Variants in LUC7L3 observed in about 807,000 individuals in gnomAD.
LUC7L3 encodes luc7-like protein 3.
In LUC7L3, 6 loss-of-function variants were observed where a neutral mutation model predicts 66.8. The observed-to-expected ratio is 0.09, with a 90% CI of 0.05 to 0.18. The LOEUF (loss-of-function observed/expected upper bound fraction) is 0.18, where lower values mean the gene tolerates loss of function less well. Among genes scored for constraint, LUC7L3 ranks in the 10% least tolerant of loss-of-function variants. The pLI is 1.00. For synonymous variants in LUC7L3, 160 were observed against 174.7 expected (o/e 0.92, Z 0.66); for missense variants, 341 against 531.1 (o/e 0.64, Z 3.52).
At chr17:50,726,218 C>A (rs1969173796) in intron 1 of LUC7L3, among the ~76,000 whole-genome samples, 2 of 152,318 alleles carry the variant, frequency 1.3e-5, no homozygotes, top group South Asian at 4.1e-4. Flanking sequence ...GTCGCCCAGG[C>A]TGGAGTGCAG....
chr17:50,729,271 G>A lies in LUC7L3; in HGVS notation c.100-7689G>A, dbSNP rs1036584159. 2.0e-5 allele frequency among the ~76,000 whole-genome samples: 3 copies of A among 152,176 alleles called. No individual in the cohort carries two copies. In the South Asian group the frequency reaches 6.2e-4, roughly 32 times the overall value. On this transcript the variant is annotated intron_variant, in intron 1 of 9. Coordinates refer to ENST00000505658, the MANE Select transcript of LUC7L3 (RefSeq NM_016424.5). ...TGGTGAGTTAAGTCAAGGAATAAAT[G>A]TTTACAACTTGAACATTGTCAGAAG...
chr17:50,732,560 CT>C (rs11360311), intron 1 of LUC7L3, among the ~76,000 whole-genome samples: 42,997 of 133,092 alleles, frequency 0.32, 6,790 homozygotes, highest in African/African-American at 0.41. Flanking sequence ...TTTTTTCATT[CT>C]TTTTTTTTTT....
Position 50,755,775 on chromosome 17 carries a change from T to C in LUC7L3, c.*5114T>C, listed in dbSNP as rs1313543684. ...GGGGATGGATTTAAGCATTTGTGTGTAATAGGAAGAAAAGAAGAAAAAACC... is the reference window on the plus strand; with the variant it reads ...GGGGATGGATTTAAGCATTTGTGTGCAATAGGAAGAAAAGAAGAAAAAACC... On this transcript the variant is annotated 3_prime_UTR_variant, in exon 10 of 10. Coordinates refer to ENST00000505658, the MANE Select transcript of LUC7L3 (RefSeq NM_016424.5). The C allele has an allele frequency of 6.6e-6, 1 of 152,158 alleles. No homozygotes were observed. The highest frequency in any genetic ancestry group is 1.5e-5 in the Non-Finnish European group (1 of 68,038). The allele number at this position is 152,158 out of a possible 1,614,324, so 9.4% of individuals were successfully genotyped here.
At chr17:50,739,410 T>C (rs1228762377) in intron 2 of LUC7L3, among the ~76,000 whole-genome samples, 2 of 152,162 alleles carry the variant, frequency 1.3e-5, no homozygotes, top group Non-Finnish European at 2.9e-5. Flanking sequence ...CCAGCACTTT[T>C]GGAGGCAAAG....
chr17:50,720,296 A>G (rs1365122355), intron 1 of LUC7L3, among the ~76,000 whole-genome samples: 5 of 152,372 alleles, frequency 3.3e-5, no homozygotes, highest in Non-Finnish European at 5.9e-5. Flanking sequence ...GGGGAAATAG[A>G]AATGTAAAAG....
At chr17:50,737,334 G>A in intron 2 of LUC7L3, 1 of 492,932 alleles carries the variant, frequency 2.0e-6, no homozygotes, top group Non-Finnish European at 4.0e-6. Context: ...CAAATTTTTG[G>A]AAGATGACAA....
intron 9 of LUC7L3, among the ~76,000 whole-genome samples, chr17:50,747,879 C>A (rs530664368): frequency 6.6e-6 from 1 of 152,296 alleles, no homozygotes; most frequent in South Asian, 2.1e-4. Context: ...TGAGAACTTG[C>A]TTCTGATTCA....
rs145680320 is a variant in LUC7L3, at chr17:50,741,821, A to G, written c.426+90A>G. The G allele has an allele frequency of 1.5e-4, 144 of 990,008 alleles. No homozygotes were observed. The East Asian group carries it at 3.1e-3, about 21-fold the overall frequency. 61.3% of individuals were successfully genotyped at this position (990,008 alleles called of 1,614,324 possible). ...AAGGATGGGCCAGGCATGGTAACTC[A>G]TGTGTATAATCCCAGCACTTTGGGA... On this transcript the variant is annotated intron_variant, in intron 5 of 9. Transcript: ENST00000505658.
At chr17:50,746,816 T>C in intron 9 of LUC7L3, 114 bp downstream of exon 9, 1 of 814,132 alleles carries the variant, frequency 1.2e-6, no homozygotes, top group East Asian at 2.9e-5. Flanking sequence ...CTTTTCACTT[T>C]GAGGAATGCC....
rs766844626 is a variant in LUC7L3 at position 50,744,824 on chromosome 17, T to C, written c.693+11T>C. ...GTAGAAGAATTAAAAGTAAGTTTTT[T>C]TGTTTGTTTTGAGGCAGATTCTTGC... On this transcript the variant is annotated intron_variant, in intron 7 of 9. Transcript: ENST00000505658. The C allele has an allele frequency of 6.2e-7, 1 of 1,606,926 alleles. No homozygotes were observed. Among genetic ancestry groups the C allele is most frequent in the South Asian group, 1.1e-5 (1 of 89,846 alleles).
intron 9 of LUC7L3, chr17:50,749,457 G>A (rs1480068277): frequency 1.5e-5 from 14 of 918,232 alleles, no homozygotes; most frequent in Non-Finnish European, 2.0e-5. Context: ...CAAGTGTTAC[G>A]GACTAAATAT....
chr17:50,756,032 A>T lies in LUC7L3; in HGVS notation c.*5371A>T, dbSNP rs188133012. Reference sequence around the variant, plus strand: ...AATACATGATAAAAGGAAACGATTAAGACAAAATTTAATGTTAGCCGTTTT... The same window carrying T: ...AATACATGATAAAAGGAAACGATTATGACAAAATTTAATGTTAGCCGTTTT... On this transcript the variant is annotated 3_prime_UTR_variant, in exon 10 of 10. Coordinates refer to ENST00000505658, the MANE Select transcript of LUC7L3 (RefSeq NM_016424.5). The T allele has an allele frequency of 2.0e-5, 3 of 152,372 alleles. No homozygotes were observed. The highest frequency in any genetic ancestry group is 4.4e-5 in the Non-Finnish European group (3 of 68,050). 9.4% of individuals were successfully genotyped at this position (152,372 alleles called of 1,614,324 possible).
intron 1 of LUC7L3, among the ~76,000 whole-genome samples, chr17:50,724,611 T>C (rs1322808446): frequency 6.8e-6 from 1 of 147,170 alleles, no homozygotes; most frequent in Non-Finnish European, 1.5e-5. Context: ...TTTAGGAAAA[T>C]TGTGTGTGTG....
chr17:50,751,734 G>A lies in LUC7L3; in HGVS notation c.*1073G>A. ...AGGTATGTAGGAATAGTCACTCACT[G>A]GCTGATACATTTAAAGCAGCAGTGT... On this transcript the variant is annotated 3_prime_UTR_variant, in exon 10 of 10. Coordinates refer to ENST00000505658, the MANE Select transcript of LUC7L3 (RefSeq NM_016424.5). 9.6e-7 allele frequency: 1 copy of A among 1,037,194 alleles called. No homozygotes were observed. The highest frequency in any genetic ancestry group is 3.3e-5 in the South Asian group (1 of 30,072). 64.2% of individuals were successfully genotyped at this position (1,037,194 alleles called of 1,614,324 possible).
At position 50,745,751 on chromosome 17, in the gene LUC7L3, A is replaced by G; in HGVS notation, c.725A>G (p.Asp242Gly). The change falls in exon 8 of 10, where the codon GAT becomes GGT. Residue 242 changes from aspartate to glycine, a missense_variant. This residue lies in a region of LUC7L3 where 210 missense variants were observed against 238.1 expected (regional missense o/e 0.88). Transcript: ENST00000505658. ...TTAAGGAAAAGAACCGAAGAACCTG[A>G]TCGTGATGAGCGTCTAAAAAAGGAG... ...EKLRKRTEEP[D>G]RDERLKKEKQ... The G allele has an allele frequency of 6.3e-7, 1 of 1,589,830 alleles. No individual in the cohort carries two copies. Among genetic ancestry groups the G allele is most frequent in the Non-Finnish European group, 8.5e-7 (1 of 1,174,016 alleles).
chr17:50,754,322 C>G lies in LUC7L3; in HGVS notation c.*3661C>G, dbSNP rs1298117505. 2 of 152,106 alleles carry G rather than the reference C, an allele frequency of 1.3e-5. No homozygotes were observed. The highest frequency in any genetic ancestry group is 2.9e-5 in the Non-Finnish European group (2 of 68,016). 9.4% of individuals were successfully genotyped at this position (152,106 alleles called of 1,614,324 possible). A position where few individuals can be genotyped will look rare whatever the true frequency, so the allele number is the denominator to read the frequency against. On this transcript the variant is annotated 3_prime_UTR_variant, in exon 10 of 10. Coordinates refer to ENST00000505658, the MANE Select transcript of LUC7L3 (RefSeq NM_016424.5). ...TTAACCTCTGTTAACTCATCACCAACAAGACTCATGACCACTTTTATACTT... is the reference window on the plus strand; with the variant it reads ...TTAACCTCTGTTAACTCATCACCAAGAAGACTCATGACCACTTTTATACTT...
Position 50,746,612 on chromosome 17 carries a change from C to A in LUC7L3, c.1048C>A (p.Arg350=). The A allele has an allele frequency of 6.2e-7, 1 of 1,613,744 alleles. No individual in the cohort carries two copies. Among genetic ancestry groups the A allele is most frequent in the Non-Finnish European group, 8.5e-7 (1 of 1,179,916 alleles). The change falls in exon 9 of 10, where the codon CGA becomes AGA. Residue 350 remains arginine (R), a synonymous_variant. Coordinates refer to ENST00000505658, the MANE Select transcript of LUC7L3 (RefSeq NM_016424.5). ...AAAACACAGATCTCGAAGTCGGGATCGAAGAAGATCAAAAAGCCGGGATCG... is the reference window on the plus strand; with the variant it reads ...AAAACACAGATCTCGAAGTCGGGATAGAAGAAGATCAAAAAGCCGGGATCG... ...ERKHRSRSRD[R]RRSKSRDRKS...
chr17:50,723,207 G>A (rs140762574), intron 1 of LUC7L3: 2 of 152,290 alleles, frequency 1.3e-5, no homozygotes, highest in East Asian at 1.9e-4. Context: ...ATCTCAACCT[G>A]AAAATGAAAT....
At position 50,725,278 on chromosome 17, in the gene LUC7L3, C is replaced by T. The variant is rs180764270; in HGVS notation, c.99+5447C>T. ...TACAAAAATTAGCCAGGTGTGGTGG[C>T]GCACGCCTGTAATCCCAGCTACTCG... On this transcript the variant is annotated intron_variant, in intron 1 of 9. Coordinates refer to ENST00000505658, the MANE Select transcript of LUC7L3 (RefSeq NM_016424.5). Among the ~76,000 whole-genome samples the T allele has an allele frequency of 1.8e-3, 279 of 152,054 alleles. 2 individuals carry two copies. Among genetic ancestry groups the T allele is most frequent in the African/African-American group, 6.1e-3 (253 of 41,462 alleles).
Sources: gnomAD v4.1 joint callset for allele counts (sites outside exome capture counted in the v4.1 genomes callset) on GRCh38, gnomAD v4.1.1 for gene constraint, gnomAD v4.1.1 regional missense constraint, MANE v1.5 for transcripts, NCBI Gene and HGNC (gene_info 2026-07-23, HGNC 2026-07-21) for gene names.